The following RIF1 variants were observed in gnomAD, a reference collection of about 807,000 sequenced individuals.
The protein encoded by RIF1 is telomere-associated protein RIF1.
RIF1 carries 45 observed loss-of-function variants against 247.1 expected under a neutral mutation model. The observed-to-expected ratio is 0.18, with a 90% CI of 0.14 to 0.23. The LOEUF is 0.23. Among genes scored for constraint, RIF1 ranks in the 10% least tolerant of loss-of-function variants. The probability of loss-of-function intolerance (pLI) is 1.00; values close to 1 mark genes in which losing one functional copy is unlikely to be tolerated. For synonymous variants in RIF1, 1,087 were observed against 978.8 expected (o/e 1.11, Z -2.06); for missense variants, 2,967 against 2,862.5 (o/e 1.04, Z -0.83).
chr2:151,463,250 T>C lies in RIF1; in HGVS notation c.3730T>C (p.Ser1244Pro), dbSNP rs762994614. The C allele has an allele frequency of 1.9e-6, 3 of 1,613,582 alleles. No homozygotes were observed. In the African/African-American group the frequency reaches 4.0e-5, roughly 22 times the overall value. The change falls in exon 30 of 36, where the codon TCA becomes CCA. Residue 1244 changes from serine (S) to proline (P), a missense_variant. Ser to Pro is a moderately conservative substitution (Grantham distance 74). This residue lies in a region of RIF1 where 2,028 missense variants were observed against 1,825.6 expected (regional missense o/e 1.11). Coordinates refer to ENST00000444746, the MANE Select transcript of RIF1 (RefSeq NM_018151.5). ...TAGTCCATCCCCCTTGAATAATATT[T>C]CATCAACTGTTACAGTGAAAAATAA... ...PFSPSPLNNISSTVTVKNNQE... is the reference protein window; with the variant it reads ...PFSPSPLNNIPSTVTVKNNQE...
intron 27 of RIF1, 49 bp downstream of exon 27, chr2:151,461,338 A>T: frequency 6.5e-7 from 1 of 1,545,430 alleles, no homozygotes; most frequent in South Asian, 1.2e-5. Context: ...TCAGGCTTAG[A>T]TTTCATGCAA....
At position 151,437,281 on chromosome 2, in the gene RIF1, T is replaced by C. The variant is rs1203034475; in HGVS notation, c.1413T>C (p.Phe471=). The change falls in exon 13 of 36, where the codon TTT becomes TTC. Residue 471 remains phenylalanine, a synonymous_variant. Transcript: ENST00000444746. The part of the protein sequence containing the change: ...EHPLISSPSF[F]SKHANTLITA... ...CGTTAATCAGCAGCCCTTCCTTTTT[T>C]TCCAAACATGCAAATACACTTATCA... is the stretch of plus-strand genomic sequence containing the variant. 2 of 1,614,118 alleles carry C rather than the reference T, an allele frequency of 1.2e-6. No individual in the cohort carries two copies. Among genetic ancestry groups the C allele is most frequent in the African/African-American group, 1.3e-5 (1 of 75,054 alleles).
chr2:151,418,239 CTG>C (rs1392761158), intron 6 of RIF1, among the ~76,000 whole-genome samples: 1 of 152,168 alleles, frequency 6.6e-6, no homozygotes, highest in African/African-American at 2.4e-5. Flanking sequence ...CAGTCTCACT[CTG>C]TTGTTCAGGC....
chr2:151,461,097 G>T, intron 26 of RIF1, 41 bp from the exon 27 acceptor site: 1 of 1,564,042 alleles, frequency 6.4e-7, no homozygotes, highest in Non-Finnish European at 8.7e-7. Flanking sequence ...AAATAATTTG[G>T]AAGCTAAAAT....
At chr2:151,421,379 G>A (rs964207446) in intron 7 of RIF1, among the ~76,000 whole-genome samples, 5 of 151,844 alleles carry the variant, frequency 3.3e-5, no homozygotes, top group African/African-American at 1.2e-4. Flanking sequence ...AACCAGACAA[G>A]AGAACTATGA....
At chr2:151,430,222 C>T (rs1486997003) in intron 9 of RIF1, among the ~76,000 whole-genome samples, 2 of 151,950 alleles carry the variant, frequency 1.3e-5, no homozygotes, top group East Asian at 1.9e-4. Context: ...GGGGTTTCAC[C>T]GTGTTAGCCA....
intron 10 of RIF1, chr2:151,496,448 T>A: frequency 6.7e-7 from 1 of 1,496,112 alleles, no homozygotes; most frequent in Non-Finnish European, 9.0e-7. Flanking sequence ...TAAGGTCAAC[T>A]TCCTTGTTAA....
the RIF1 span, among the ~76,000 whole-genome samples, chr2:151,529,697 AT>A: frequency 6.6e-6 from 1 of 152,112 alleles, no homozygotes; most frequent in Non-Finnish European, 1.5e-5. Flanking sequence ...CACCCGGCTA[AT>A]TTTGTATTTT....
At chr2:151,438,650 C>T (rs1489473636) in intron 13 of RIF1, 34 bp from the exon 14 acceptor site, 2 of 1,457,924 alleles carry the variant, frequency 1.4e-6, no homozygotes, top group African/African-American at 1.4e-5. Context: ...ATATGTACTT[C>T]ATTTAAAATA....
At chr2:151,497,791 G>A in intron 10 of RIF1, 1 of 1,537,776 alleles carries the variant, frequency 6.5e-7, no homozygotes, top group East Asian at 2.5e-5. Context: ...TTAAGGATGA[G>A]GAAAAAACAC....
chr2:151,440,345 G>A (rs1023018713), intron 15 of RIF1, among the ~76,000 whole-genome samples: 6 of 152,064 alleles, frequency 3.9e-5, no homozygotes, highest in African/African-American at 1.4e-4. Context: ...AGTCTTCAAC[G>A]TGGTAAGAAA....
Position 151,506,366 on chromosome 2 carries a change from ATGT to A in RIF1, c.*1020_*1022del, listed in dbSNP as rs1204427346. ...TTTTGTGAAAACAAGACACTAGACG[ATGT>A]TCCCAGGCAAGTGCCAGAGCATCGC... is the stretch of plus-strand genomic sequence containing the variant. On this transcript the variant is annotated 3_prime_UTR_variant and NMD_transcript_variant, in exon 13 of 14. Transcript: ENST00000454583. 4.9e-6 allele frequency: 4 copies of A among 819,748 alleles called. No individual in the cohort carries two copies. The Admixed American group carries it at 6.7e-5, about 14-fold the overall frequency. The allele number at this position is 819,748 out of a possible 1,614,324, so 50.8% of individuals were successfully genotyped here.
At chr2:151,499,519 C>G (rs2062838475) in exon 11 of RIF1, 2 of 633,564 alleles carry the variant, frequency 3.2e-6, no homozygotes, top group Non-Finnish European at 5.7e-6. Context: ...AAGTCAACCT[C>G]TCTGTTCAGG....
intron 9 of RIF1, chr2:151,490,355 G>A: frequency 2.5e-6 from 4 of 1,583,014 alleles, no homozygotes; most frequent in Non-Finnish European, 3.4e-6. Flanking sequence ...GCCAAAATCA[G>A]CGCCAGGCAC....
chr2:151,468,643 T>A lies in RIF1; in HGVS notation c.6828T>A (p.Ile2276=). 6.2e-7 allele frequency: 1 copy of A among 1,613,590 alleles called. No homozygotes were observed. The highest frequency in any genetic ancestry group is 8.5e-7 in the Non-Finnish European group (1 of 1,179,494). ...PKFKSSKKCL[I]SEMAKESIPC... Reference sequence around the variant, plus strand: ...CAGCTTCTGAAATTTATTCTAAGATTTCAGAAATGGCCAAAGAATCCATAC... The same window carrying A: ...CAGCTTCTGAAATTTATTCTAAGATATCAGAAATGGCCAAAGAATCCATAC... The change falls in exon 33 of 36, where the codon ATT becomes ATA. Residue 2276 remains isoleucine (I), a splice_region_variant and synonymous_variant. Coordinates refer to ENST00000444746, the MANE Select transcript of RIF1 (RefSeq NM_018151.5).
rs1359311009 is a variant in RIF1 at position 151,465,099 on chromosome 2, A to T, written c.5579A>T (p.Lys1860Ile). 15 of 1,603,916 alleles carry T rather than the reference A, an allele frequency of 9.4e-6. No individual in the cohort carries two copies. Among genetic ancestry groups the T allele is most frequent in the Non-Finnish European group, 1.3e-5 (15 of 1,177,730 alleles). ...ESQESPNENFKTVGPCLGDSK... is the reference protein window; with the variant it reads ...ESQESPNENFITVGPCLGDSK... ...CAGGAGTCACCTAATGAAAATTTTAAAACTGTTGGCCCGTGTTTAGGAGAC... is the reference window on the plus strand; with the variant it reads ...CAGGAGTCACCTAATGAAAATTTTATAACTGTTGGCCCGTGTTTAGGAGAC... Residue 1860 changes from lysine (K) to isoleucine (I), a missense_variant, in exon 30 of 36, where the codon AAA (lysine) becomes ATA (isoleucine). Coordinates refer to ENST00000444746, the MANE Select transcript of RIF1 (RefSeq NM_018151.5).
Position 151,474,947 on chromosome 2 carries a change from A to T in RIF1, c.7295A>T (p.Asp2432Val). ...CTTGCTCTTCAGCTGGATTCAGAAGATCTTCATAATTATTCAGGAAGCCAA... is the reference window on the plus strand; with the variant it reads ...CTTGCTCTTCAGCTGGATTCAGAAGTTCTTCATAATTATTCAGGAAGCCAA... Reference protein sequence around the residue: ...SALALQLDSEDLHNYSGSQLF... With the variant: ...SALALQLDSEVLHNYSGSQLF... The change falls in exon 36 of 36, where the codon GAT (aspartate) becomes GTT (valine). Residue 2432 changes from aspartate to valine, a missense_variant. Coordinates refer to ENST00000444746, the MANE Select transcript of RIF1 (RefSeq NM_018151.5). 3 of 1,611,386 alleles carry T rather than the reference A, an allele frequency of 1.9e-6. No homozygotes were observed. Among genetic ancestry groups the T allele is most frequent in the Non-Finnish European group, 2.5e-6 (3 of 1,177,562 alleles).
Position 151,410,604 on chromosome 2 carries a change from G to T in RIF1, c.104+77G>T, listed in dbSNP as rs576303424. On this transcript the variant is annotated intron_variant, in intron 2 of 35. Transcript: ENST00000444746. ...GAAAGAAGGTGGTTGGGAGGGGCGC[G>T]TAGAATGAATGTGAGTTCTAGAAGT... The T allele has an allele frequency of 6.5e-5, 77 of 1,175,924 alleles. No homozygotes were observed. The East Asian group carries it at 1.1e-3, about 16-fold the overall frequency. The allele number at this position is 1,175,924 out of a possible 1,614,324, so 72.8% of individuals were successfully genotyped here. A position where few individuals can be genotyped will look rare whatever the true frequency, so the allele number is the denominator to read the frequency against.
Position 151,465,083 on chromosome 2 carries a change from C to A in RIF1, c.5563C>A (p.Pro1855Thr). The A allele has an allele frequency of 1.9e-6, 3 of 1,602,576 alleles. No homozygotes were observed. The highest frequency in any genetic ancestry group is 2.5e-6 in the Non-Finnish European group (3 of 1,177,330). ...AATGTCTCTTGAAAGCCAGGAGTCA[C>A]CTAATGAAAATTTTAAAACTGTTGG... ...EAMSLESQES[P>T]NENFKTVGPC... Residue 1855 changes from proline to threonine, a missense_variant, in exon 30 of 36, where the codon CCT becomes ACT. By Grantham distance (38) the Pro-to-Thr change is conservative. This residue lies in a region of RIF1 where 2,028 missense variants were observed against 1,825.6 expected (regional missense o/e 1.11). Transcript: ENST00000444746.
Sources: allele counts gnomAD v4.1 joint callset (sites outside exome capture counted in the v4.1 genomes callset), GRCh38; gene constraint gnomAD v4.1.1; regional missense constraint gnomAD v4.1.1; transcripts MANE v1.5; gene names NCBI Gene and HGNC (gene_info 2026-07-23, HGNC 2026-07-21).